Variants in HEATR4 observed in about 807,000 individuals in gnomAD.
HEATR4 encodes the protein HEAT repeat-containing protein 4.
Under a neutral mutation model 108.8 loss-of-function variants are expected in HEATR4, and 95 were observed. The ratio of observed to expected loss-of-function variants is 0.87; its 90% CI spans 0.74 to 1.04. HEATR4 has a LOEUF of 1.04. Ranked by LOEUF, HEATR4 falls within the 50% of genes least tolerant of loss-of-function variation. The probability of loss-of-function intolerance (pLI) is 0.00; values close to 1 mark genes in which losing one functional copy is unlikely to be tolerated. For synonymous variants in HEATR4, 443 were observed against 459.4 expected (o/e 0.96, Z 0.46); for missense variants, 1,152 against 1,253.8 (o/e 0.92, Z 1.23).
Position 73,522,624 on chromosome 14 carries a change from G to A in HEATR4, c.529C>T (p.Arg177Trp), listed in dbSNP as rs145625808. Residue 177 changes from arginine (R) to tryptophan (W), a missense_variant, in exon 3 of 18, where the codon CGG becomes TGG. Transcript: ENST00000553558. ...HPCMHPDMLG[R>W]PPSLDVNLEE... ...AGGTTCACATCTAGAGAAGGTGGCC[G>A]ACCCAGCATATCTGGATGCATGCAG... is the stretch of plus-strand genomic sequence containing the variant. 5.6e-6 allele frequency: 9 copies of A among 1,614,086 alleles called. No homozygotes were observed. In the African/African-American group the frequency reaches 6.7e-5, roughly 12 times the overall value.
chr14:73,551,283 T>C (rs2140319584), intron 1 of HEATR4, among the ~76,000 whole-genome samples: 1 of 115,336 alleles, frequency 8.7e-6, no homozygotes, highest in South Asian at 2.8e-4. Flanking sequence ...AAAACCCTGT[T>C]ACAGGTAGTT....
At chr14:73,503,916 T>A (rs1302345829) in intron 10 of HEATR4, among the ~76,000 whole-genome samples, 1 of 152,146 alleles carries the variant, frequency 6.6e-6, no homozygotes, top group African/African-American at 2.4e-5. Context: ...CATCTTTACC[T>A]CAACCCCTGC....
chr14:73,591,419 G>T, the HEATR4 span, among the ~76,000 whole-genome samples: 1 of 152,056 alleles, frequency 6.6e-6, no homozygotes, highest in African/African-American at 2.4e-5. Context: ...GGTGGCGCGC[G>T]CCTGTAATCC....
intron 12 of HEATR4, among the ~76,000 whole-genome samples, chr14:73,499,342 A>G (rs1230753276): frequency 6.6e-6 from 1 of 152,130 alleles, no homozygotes; most frequent in African/African-American, 2.4e-5. Flanking sequence ...TTAGCCGGGC[A>G]TGGTGTCACA....
In HEATR4 at chr14:73,487,519, G is replaced by A. The variant is rs562733243; in HGVS notation, c.2844+5547C>T. ...GGAGGCAGAGGTTGTAGTGGGCCAA[G>A]ATAGCACCACTGCACTCCAGCCTGG... On this transcript the variant is annotated intron_variant, in intron 17 of 17. Coordinates refer to ENST00000553558, the MANE Select transcript of HEATR4 (RefSeq NM_001220484.1). Among the ~76,000 whole-genome samples the A allele has an allele frequency of 7.9e-5, 12 of 152,330 alleles. 1 individual carries two copies. The South Asian group carries it at 2.5e-3, about 32-fold the overall frequency.
the HEATR4 span, among the ~76,000 whole-genome samples, chr14:73,597,254 T>C: frequency 1.7e-4 from 26 of 151,598 alleles, no homozygotes; most frequent in Admixed American, 3.3e-4. Flanking sequence ...CTGGCTAATT[T>C]TTTGTATTTT....
chr14:73,494,125 C>CT (rs1309439502), intron 16 of HEATR4, among the ~76,000 whole-genome samples: 2 of 152,190 alleles, frequency 1.3e-5, no homozygotes, highest in African/African-American at 4.8e-5. Context: ...GTTCAAGTTA[C>CT]TTTCCACTCT....
At chr14:73,530,683 C>T (rs1423584339) in intron 1 of HEATR4, 1 of 122,768 alleles carries the variant, frequency 8.1e-6, no homozygotes, top group African/African-American at 2.7e-5. Flanking sequence ...GTCTCACTCT[C>T]CTGGAGTACA....
chr14:73,525,557 C>T (rs567204139), intron 2 of HEATR4, among the ~76,000 whole-genome samples: 3 of 152,300 alleles, frequency 2.0e-5, no homozygotes, highest in African/African-American at 7.2e-5. Flanking sequence ...TGGCTACTCC[C>T]ACTGGCTGAA....
rs867606009 is a variant in HEATR4 at position 73,496,648 on chromosome 14, A to G, written c.2578T>C (p.Leu860=). The part of the protein sequence containing the change: ...EMYQTMKILN[L]GNEGNQEMLQ... ...ATTTCTTGGTTTCCTTCATTTCCTA[A>G]GTTGAGTATCTTCATTGTCTGGTAC... The change falls in exon 15 of 18, where the codon TTA becomes CTA. Residue 860 remains leucine (L), a synonymous_variant. Transcript: ENST00000553558. 2 of 1,596,892 alleles carry G rather than the reference A, an allele frequency of 1.3e-6. No homozygotes were observed. The highest frequency in any genetic ancestry group is 1.7e-6 in the Non-Finnish European group (2 of 1,164,626).
At chr14:73,509,557 C>T in intron 7 of HEATR4, 84 bp from the exon 8 acceptor site, 1 of 1,404,808 alleles carries the variant, frequency 7.1e-7, no homozygotes, top group Non-Finnish European at 1.0e-6. Context: ...CATGTGGTGG[C>T]CAACCTCAGT....
the HEATR4 span, among the ~76,000 whole-genome samples, chr14:73,618,756 G>A: frequency 6.6e-6 from 1 of 152,138 alleles, no homozygotes; most frequent in South Asian, 2.1e-4. Context: ...CCCATTACTA[G>A]GAAATCAGTT....
intron 12 of HEATR4, 51 bp downstream of exon 12, chr14:73,500,499 T>C (rs768524178): frequency 6.4e-7 from 1 of 1,557,752 alleles, no homozygotes; most frequent in East Asian, 2.3e-5. Flanking sequence ...GGGAAGGTAA[T>C]GCCCTCTTCA....
chr14:73,512,091 A>G lies in HEATR4; in HGVS notation c.1473T>C (p.His491=). The change falls in exon 7 of 18, where the codon CAT becomes CAC. Residue 491 remains histidine, a synonymous_variant. Coordinates refer to ENST00000553558, the MANE Select transcript of HEATR4 (RefSeq NM_001220484.1). ...ENLLQSLGDL[H]DDVRIKAITT... ...TGATAGCTTTGATCCGAACGTCATCATGCAGGTCTCCCAAGCTCTGAAGCA... is the reference window on the plus strand; with the variant it reads ...TGATAGCTTTGATCCGAACGTCATCGTGCAGGTCTCCCAAGCTCTGAAGCA... The G allele has an allele frequency of 1.9e-6, 3 of 1,614,194 alleles. No homozygotes were observed. Among genetic ancestry groups the G allele is most frequent in the Non-Finnish European group, 2.5e-6 (3 of 1,180,046 alleles).
chr14:73,603,349 T>A, the HEATR4 span, among the ~76,000 whole-genome samples: 2 of 146,070 alleles, frequency 1.4e-5, no homozygotes, highest in African/African-American at 5.6e-5. Context: ...ATCTGTTTTT[T>A]TTGTTTTTTG....
Position 73,479,348 on chromosome 14 carries a change from C to T in HEATR4, c.2845-506G>A, listed in dbSNP as rs367562514. Reference sequence around the variant, plus strand: ...GCCAGGAGGGTCTCAATCTCCTGACCTTGTGACCAGCCCGCCTCGGCCTCC... The same window carrying T: ...GCCAGGAGGGTCTCAATCTCCTGACTTTGTGACCAGCCCGCCTCGGCCTCC... On this transcript the variant is annotated intron_variant, in intron 17 of 17. Coordinates refer to ENST00000553558, the MANE Select transcript of HEATR4 (RefSeq NM_001220484.1). 1.0e-3 allele frequency among the ~76,000 whole-genome samples: 154 copies of T among 152,134 alleles called. 1 individual carries two copies. The South Asian group carries it at 0.03, about 30-fold the overall frequency.
intron 15 of HEATR4, 48 bp from the exon 16 acceptor site, chr14:73,495,435 C>A: frequency 6.8e-7 from 1 of 1,475,448 alleles, no homozygotes; most frequent in Non-Finnish European, 9.4e-7. Flanking sequence ...AACACCTGTA[C>A]TAGGCAGCAA....
the HEATR4 span, among the ~76,000 whole-genome samples, chr14:73,602,617 C>G: frequency 6.6e-6 from 1 of 152,124 alleles, no homozygotes; most frequent in African/African-American, 2.4e-5. Context: ...TCTTTATTCC[C>G]GCGTTCTCCC....
the HEATR4 span, among the ~76,000 whole-genome samples, chr14:73,618,584 C>T: frequency 6.9e-6 from 1 of 145,892 alleles, no homozygotes; most frequent in Non-Finnish European, 1.5e-5. Context: ...TGAGCCTGAA[C>T]TTATGAATTG....
Sources: gnomAD v4.1 joint callset for allele counts (sites outside exome capture counted in the v4.1 genomes callset) on GRCh38, gnomAD v4.1.1 for gene constraint, MANE v1.5 for transcripts, NCBI Gene and HGNC (gene_info 2026-07-23, HGNC 2026-07-21) for gene names.